The following DLG2 variants were observed in gnomAD, a reference collection of about 807,000 sequenced individuals.
DLG2 encodes the protein discs large MAGUK scaffold protein 2, also known as disks large homolog 2.
In DLG2, 45 loss-of-function variants were observed where a neutral mutation model predicts 132.5. The observed-to-expected ratio is 0.34, with a 90% confidence interval of 0.27 to 0.44. The LOEUF is 0.44. Ranked by LOEUF, DLG2 falls within the 20% of genes least tolerant of loss-of-function variation. The pLI is 1.00. For synonymous variants in DLG2, 424 were observed against 419.6 expected (o/e 1.01, Z -0.13); for missense variants, 1,045 against 1,196.9 (o/e 0.87, Z 1.87).
chr11:84,051,712 A>T (rs778126041), intron 11 of DLG2, among the ~76,000 whole-genome samples: 1 of 151,836 alleles, frequency 6.6e-6, no homozygotes, highest in African/African-American at 2.4e-5. Flanking sequence ...AACATGGCAC[A>T]TGTATACATA....
chr11:85,027,443 G>C (rs1440388691), intron 6 of DLG2, among the ~76,000 whole-genome samples: 1 of 152,122 alleles, frequency 6.6e-6, no homozygotes, highest in African/African-American at 2.4e-5. Flanking sequence ...AGCGCCTTCT[G>C]CCTGAGTATT....
intron 6 of DLG2, among the ~76,000 whole-genome samples, chr11:85,071,040 C>G (rs902195661): frequency 1.3e-5 from 2 of 151,832 alleles, no homozygotes; most frequent in Admixed American, 1.3e-4. Context: ...ACTACCTGAT[C>G]TCTCTACGCC....
intron 10 of DLG2, among the ~76,000 whole-genome samples, chr11:84,098,046 T>G (rs1265416449): frequency 6.7e-6 from 1 of 149,936 alleles, no homozygotes; most frequent in Non-Finnish European, 1.5e-5. Context: ...TTTTTTTTTT[T>G]TTTTTTCTTT....
chr11:83,516,685 G>C (rs1328825985), intron 21 of DLG2, among the ~76,000 whole-genome samples: 1 of 152,102 alleles, frequency 6.6e-6, no homozygotes, highest in Non-Finnish European at 1.5e-5. Context: ...TCCATGTTTA[G>C]TGCTTCCTTC....
At chr11:84,813,675 T>C (rs532119851) in intron 6 of DLG2, among the ~76,000 whole-genome samples, 2 of 152,074 alleles carry the variant, frequency 1.3e-5, no homozygotes, top group African/African-American at 2.4e-5. Context: ...CAGAATGACA[T>C]AGAATGGGTC....
At chr11:84,278,057 T>TTC (rs2097802007) in intron 7 of DLG2, among the ~76,000 whole-genome samples, 1 of 147,454 alleles carries the variant, frequency 6.8e-6, no homozygotes, top group Non-Finnish European at 1.5e-5. Context: ...GTTTTTTTTT[T>TTC]TTTTTTTTTT....
At chr11:85,221,143 T>C (rs1418998504) in intron 4 of DLG2, among the ~76,000 whole-genome samples, 1 of 151,708 alleles carries the variant, frequency 6.6e-6, no homozygotes, top group Non-Finnish European at 1.5e-5. Context: ...CCTGGGTTCA[T>C]GCCATTCTCC....
intron 7 of DLG2, among the ~76,000 whole-genome samples, chr11:84,405,358 T>C (rs1337726139): frequency 6.6e-6 from 1 of 152,180 alleles, no homozygotes; most frequent in Admixed American, 6.5e-5. Context: ...TACTCTTTAC[T>C]TCCTATTATC....
chr11:83,606,042 T>C (rs745410185), intron 19 of DLG2, among the ~76,000 whole-genome samples: 3 of 152,212 alleles, frequency 2.0e-5, no homozygotes, highest in Non-Finnish European at 4.4e-5. Context: ...TTAGACTCAT[T>C]CCACAGAGTC....
intron 3 of DLG2, among the ~76,000 whole-genome samples, chr11:85,369,566 T>C (rs906250788): frequency 6.6e-6 from 1 of 152,208 alleles, no homozygotes; most frequent in East Asian, 1.9e-4. Flanking sequence ...AAAGGATTTG[T>C]GGGGCTAGTC....
intron 14 of DLG2, among the ~76,000 whole-genome samples, chr11:83,941,928 C>T (rs1190451459): frequency 2.0e-5 from 3 of 152,126 alleles, no homozygotes; most frequent in African/African-American, 4.8e-5. Context: ...ACACATGGCA[C>T]CGGCTACCTT....
chr11:84,627,382 C>T (rs2099624620), intron 6 of DLG2, among the ~76,000 whole-genome samples: 1 of 152,156 alleles, frequency 6.6e-6, no homozygotes, highest in Non-Finnish European at 1.5e-5. Flanking sequence ...CTCTAATTTC[C>T]AATTCCATTT....
In DLG2 at chr11:85,600,814, A is replaced by G. The variant is rs745394341; in HGVS notation, c.-92-2026T>C. Among the ~76,000 whole-genome samples, 7 of 152,342 alleles carry G rather than the reference A, an allele frequency of 4.6e-5. No individual in the cohort carries two copies. In the East Asian group the frequency reaches 1.3e-3, roughly 29 times the overall value. ...GGACAAATATTTCCTCAATTTCTGT[A>G]CTAATATCAATGTAACAGCAACAGA... On this transcript the variant is annotated intron_variant, in intron 2 of 27. Transcript: ENST00000376104.
At chr11:85,508,722 A>G (rs1463478477) in intron 3 of DLG2, among the ~76,000 whole-genome samples, 1 of 152,082 alleles carries the variant, frequency 6.6e-6, no homozygotes, top group African/African-American at 2.4e-5. Context: ...AGAGGGTAAA[A>G]GTATTTGTGT....
chr11:83,494,707 G>A (rs559701822), intron 21 of DLG2, among the ~76,000 whole-genome samples: 11 of 148,572 alleles, frequency 7.4e-5, no homozygotes, highest in African/African-American at 2.4e-4. Context: ...GCTTCTAGGT[G>A]GAGCTCCCTG....
At chr11:85,592,316 C>A (rs1241553395) in intron 3 of DLG2, among the ~76,000 whole-genome samples, 1 of 152,090 alleles carries the variant, frequency 6.6e-6, no homozygotes, top group African/African-American at 2.4e-5. Flanking sequence ...GTATTGTAAA[C>A]AAATAAGTAG....
In DLG2 at chr11:84,365,961, A is replaced by G. The variant is rs550369820; in HGVS notation, c.520-114670T>C. ...ACATTCAGATTCAGGAAATACAGAGAATGCCACAGAGATACTCCTCGAGAA... is the reference window on the plus strand; with the variant it reads ...ACATTCAGATTCAGGAAATACAGAGGATGCCACAGAGATACTCCTCGAGAA... On this transcript the variant is annotated intron_variant, in intron 7 of 27. Coordinates refer to ENST00000376104, the MANE Select transcript of DLG2 (RefSeq NM_001142699.3). 3.9e-4 allele frequency among the ~76,000 whole-genome samples: 60 copies of G among 152,200 alleles called. 2 individuals carry two copies. The South Asian group carries it at 0.012, about 29-fold the overall frequency.
chr11:85,510,850 G>A (rs1266010091), intron 3 of DLG2, among the ~76,000 whole-genome samples: 6 of 152,142 alleles, frequency 3.9e-5, no homozygotes, highest in Non-Finnish European at 8.8e-5. Flanking sequence ...AATACCATTT[G>A]ACCCAGCCAT....
chr11:84,346,290 A>T (rs754224271), intron 7 of DLG2, among the ~76,000 whole-genome samples: 6 of 152,174 alleles, frequency 3.9e-5, no homozygotes, highest in Non-Finnish European at 7.3e-5. Flanking sequence ...TTATTTATTT[A>T]TAGGTCTTCC....
Sources: allele counts gnomAD v4.1 joint callset (sites outside exome capture counted in the v4.1 genomes callset), GRCh38; gene constraint gnomAD v4.1.1; transcripts MANE v1.5; gene names NCBI Gene and HGNC (gene_info 2026-07-23, HGNC 2026-07-21).